The following TXNRD1 variants were observed in gnomAD, a reference collection of about 807,000 sequenced individuals.
TXNRD1 encodes the protein thioredoxin reductase 1.
A neutral mutation model predicts 80.3 loss-of-function variants in TXNRD1; 57 were observed. That is an observed-to-expected ratio of 0.71 (90% CI 0.57 to 0.89). The LOEUF (loss-of-function observed/expected upper bound fraction) is 0.89. TXNRD1 is among the 40% of genes least tolerant of loss of function. The pLI, the probability that TXNRD1 is intolerant of heterozygous loss-of-function variation, is 0.00. For missense variants in TXNRD1, 730 were observed against 803.0 expected, an observed-to-expected ratio of 0.91 and a Z score of 1.10; for synonymous variants, 291 against 285.2, an observed-to-expected ratio of 1.02 and a Z score of -0.20.
At chr12:104,325,190 A>G in intron 10 of TXNRD1, 147 bp from the exon 11 acceptor site, 1 of 630,354 alleles carries the variant, frequency 1.6e-6, no homozygotes, top group Admixed American at 2.6e-5. Context: ...TCATCCTAAT[A>G]ATGTTAAGTG....
At chr12:104,319,419 A>G in intron 8 of TXNRD1, 51 bp from the exon 9 acceptor site, 2 of 1,221,614 alleles carry the variant, frequency 1.6e-6, no homozygotes, top group Middle Eastern at 1.9e-4. Flanking sequence ...TGAAGTTTAC[A>G]ATTCTGAGGA....
intron 3 of TXNRD1, among the ~76,000 whole-genome samples, chr12:104,267,974 T>C (rs1435245297): frequency 2.6e-5 from 4 of 151,210 alleles, no homozygotes; most frequent in Admixed American, 2.6e-4. Flanking sequence ...CTCAGCCTCC[T>C]GAGTAGCTGG....
intron 10 of TXNRD1, among the ~76,000 whole-genome samples, 164 bp from the exon 11 acceptor site, chr12:104,325,173 T>G (rs1031531575): frequency 4.6e-5 from 7 of 152,198 alleles, no homozygotes; most frequent in African/African-American, 1.7e-4. Flanking sequence ...AAGGAAATAA[T>G]CATTTATCAT....
intron 16 of TXNRD1, among the ~76,000 whole-genome samples, chr12:104,345,577 G>C (rs1044808323): frequency 6.6e-6 from 1 of 152,094 alleles, no homozygotes; most frequent in Admixed American, 6.5e-5. Context: ...GTGTGAGATG[G>C]GGTTGGTGGT....
At chr12:104,216,483 A>G (rs541327784) in intron 1 of TXNRD1, among the ~76,000 whole-genome samples, 2 of 152,346 alleles carry the variant, frequency 1.3e-5, no homozygotes, top group African/African-American at 4.8e-5. Context: ...CAGAAGAGAA[A>G]GCTCCCAGTC....
intron 3 of TXNRD1, among the ~76,000 whole-genome samples, chr12:104,283,586 C>T (rs960422406): frequency 6.6e-6 from 1 of 151,388 alleles, no homozygotes; most frequent in African/African-American, 2.4e-5. Context: ...AAAATGAAAT[C>T]CAGGCTGGGT....
intron 3 of TXNRD1, chr12:104,262,452 T>C (rs1490983450): frequency 6.6e-6 from 1 of 152,226 alleles, no homozygotes; most frequent in East Asian, 1.9e-4. Context: ...GAACTGCTGA[T>C]GCAGTCTTCT....
intron 1 of TXNRD1, among the ~76,000 whole-genome samples, chr12:104,236,049 C>A (rs1007532780): frequency 6.6e-6 from 1 of 152,164 alleles, no homozygotes; most frequent in Non-Finnish European, 1.5e-5. Flanking sequence ...CTTGTAGCCT[C>A]CAGCTGCAGG....
chr12:104,333,998 GGGTGTA>G (rs150744939), intron 14 of TXNRD1: 3,703 of 266,632 alleles, frequency 0.014, 148 homozygotes, highest in African/African-American at 0.076. Flanking sequence ...TTATTAGTTA[GGGTGTA>G]CTATTTTGAG....
chr12:104,254,644 A>ATATATATATAT (rs1555207848), intron 2 of TXNRD1, among the ~76,000 whole-genome samples: 16 of 93,636 alleles, frequency 1.7e-4, no homozygotes, highest in African/African-American at 5.2e-4. Context: ...AAAAAAAAAA[A>ATATATATATAT]ATATATATAT....
Position 104,290,770 on chromosome 12 carries a change from C to T in TXNRD1, c.414+1730C>T, listed in dbSNP as rs1167615038. Reference sequence around the variant, plus strand: ...ATATATATATATATGTATATTTCTTCCTGTCTGATTATTCTATTATTTTCA... The same window carrying T: ...ATATATATATATATGTATATTTCTTTCTGTCTGATTATTCTATTATTTTCA... On this transcript the variant is annotated intron_variant, in intron 4 of 16. Coordinates refer to ENST00000525566, the MANE Select transcript of TXNRD1 (RefSeq NM_001093771.3). Among the ~76,000 whole-genome samples, 235 of 56,310 alleles carry T rather than the reference C, an allele frequency of 4.2e-3. 1 individual carries two copies. Among genetic ancestry groups the T allele is most frequent in the African/African-American group, 0.012 (212 of 18,400 alleles). 36.9% of individuals were successfully genotyped at this position (56,310 alleles called of 152,430 possible).
At position 104,303,902 on chromosome 12, in the gene TXNRD1, G is replaced by C. The variant is rs749929813; in HGVS notation, c.415-7388G>C. The C allele has an allele frequency of 2.6e-6, 4 of 1,549,288 alleles. No homozygotes were observed. In the East Asian group the frequency reaches 9.1e-5, roughly 35 times the overall value. On this transcript the variant is annotated intron_variant, in intron 4 of 16. Transcript: ENST00000525566. Reference sequence around the variant, plus strand: ...CGTGATCATCCCCGGTAGCGAGTACGCGGCGAAGTAGGCGGCGGCGGAGGG... The same window carrying C: ...CGTGATCATCCCCGGTAGCGAGTACCCGGCGAAGTAGGCGGCGGCGGAGGG...
At chr12:104,282,600 G>A (rs946866977) in intron 3 of TXNRD1, among the ~76,000 whole-genome samples, 1 of 141,052 alleles carries the variant, frequency 7.1e-6, no homozygotes, top group Non-Finnish European at 1.5e-5. Flanking sequence ...AAGGTACAAA[G>A]AACTCTTTCA....
intron 11 of TXNRD1, among the ~76,000 whole-genome samples, chr12:104,325,909 G>C (rs2035744948): frequency 6.6e-6 from 1 of 151,548 alleles, no homozygotes; most frequent in African/African-American, 2.4e-5. Flanking sequence ...TAAACGGATG[G>C]CTTCAGATTT....
chr12:104,265,085 C>G (rs1190238861), intron 3 of TXNRD1, among the ~76,000 whole-genome samples: 2 of 152,054 alleles, frequency 1.3e-5, no homozygotes, highest in African/African-American at 4.8e-5. Context: ...AACCCCGTCT[C>G]TACTAAAAAT....
intron 3 of TXNRD1, among the ~76,000 whole-genome samples, chr12:104,272,456 TAGGTACTCGAAA>T (rs1265809932): frequency 6.6e-6 from 1 of 151,222 alleles, no homozygotes; most frequent in Non-Finnish European, 1.5e-5. Flanking sequence ...CAGAGTGGAG[TAGGTACTCGAAA>T]AGGTTGCTTT....
intron 15 of TXNRD1, among the ~76,000 whole-genome samples, chr12:104,338,514 G>A (rs1009640727): frequency 6.6e-6 from 1 of 151,272 alleles, no homozygotes; most frequent in African/African-American, 2.4e-5. Context: ...GGCCAACATG[G>A]CGAAACCCCG....
At chr12:104,336,174 C>T (rs1029233005) in intron 15 of TXNRD1, among the ~76,000 whole-genome samples, 2 of 152,180 alleles carry the variant, frequency 1.3e-5, no homozygotes, top group African/African-American at 4.8e-5. Context: ...GTCAGTGAAA[C>T]CTTGAAGGTT....
chr12:104,243,743 C>T (rs2032925097), intron 1 of TXNRD1, among the ~76,000 whole-genome samples: 5 of 152,280 alleles, frequency 3.3e-5, no homozygotes, highest in South Asian at 2.1e-4. Context: ...GGCAGAGTGG[C>T]GTGCTATAAA....
Sources: allele counts gnomAD v4.1 joint callset (sites outside exome capture counted in the v4.1 genomes callset), GRCh38; gene constraint gnomAD v4.1.1; transcripts MANE v1.5; gene names NCBI Gene and HGNC (gene_info 2026-07-23, HGNC 2026-07-21).